Variants in TMEM255B observed in about 807,000 individuals in gnomAD.
TMEM255B encodes the protein transmembrane protein 255B, also known as family with sequence similarity 70, member B.
TMEM255B carries 35 observed loss-of-function variants against 34.5 expected under a neutral mutation model. That is an observed-to-expected ratio of 1.01 (90% CI 0.77 to 1.34). The LOEUF is 1.34. TMEM255B is among the 40% of genes most tolerant of loss of function. TMEM255B has a pLI of 0.00. For missense variants in TMEM255B, 432 were observed against 433.2 expected (o/e 1.00, Z 0.02); for synonymous variants, 206 against 201.2 (o/e 1.02, Z -0.20).
At chr13:113,800,622 G>A (rs1443390182) in intron 5 of TMEM255B, among the ~76,000 whole-genome samples, 1 of 152,118 alleles carries the variant, frequency 6.6e-6, no homozygotes, top group African/African-American at 2.4e-5. Flanking sequence ...GGACCAGCCT[G>A]TGCCCCTGAC....
At chr13:113,793,449 A>T (rs529700496) in intron 3 of TMEM255B, among the ~76,000 whole-genome samples, 22 of 149,612 alleles carry the variant, frequency 1.5e-4, no homozygotes, top group African/African-American at 4.7e-4. Flanking sequence ...TCACGCAGGG[A>T]CCGTGCCGGT....
At chr13:113,805,147 G>A in intron 8 of TMEM255B, 119 bp downstream of exon 8, 1 of 1,233,810 alleles carries the variant, frequency 8.1e-7, no homozygotes, top group Non-Finnish European at 1.1e-6. Context: ...CTGGATTAGG[G>A]ATGGGAGGTG....
At position 113,769,772 on chromosome 13, in the gene TMEM255B, T is replaced by C. The variant is rs1340317885; in HGVS notation, c.252+612T>C. The C allele has an allele frequency of 6.6e-6, 1 of 152,272 alleles. No homozygotes were observed. Among genetic ancestry groups the C allele is most frequent in the African/African-American group, 2.4e-5 (1 of 41,388 alleles). The allele number at this position is 152,272 out of a possible 1,614,324, so 9.4% of individuals were successfully genotyped here. A position where few individuals can be genotyped will look rare whatever the true frequency, so the allele number is the denominator to read the frequency against. On this transcript the variant is annotated intron_variant, in intron 3 of 8. Transcript: ENST00000375353. The surrounding 1 kb of genome is among the most constrained non-coding windows in gnomAD (Gnocchi z 4.2). The stretch of plus-strand genomic sequence containing the variant: ...TGCACTGTTTTGGGGACTATAACTT[T>C]AAAAACAAAAACTGGCTAATTTTGT...
At position 113,790,893 on chromosome 13, in the gene TMEM255B, C is replaced by T. The variant is rs375086400; in HGVS notation, c.253-4255C>T. Among the ~76,000 whole-genome samples the T allele has an allele frequency of 2.2e-4, 34 of 152,362 alleles. No individual in the cohort carries two copies. In the South Asian group the frequency reaches 6.8e-3, roughly 31 times the overall value. On this transcript the variant is annotated intron_variant, in intron 3 of 8. Transcript: ENST00000375353. ...ACTGAACTTGCTGCGCGTGGCCACACTCTCGCTGAATTTTACCTTTCACAC... is the reference window on the plus strand; with the variant it reads ...ACTGAACTTGCTGCGCGTGGCCACATTCTCGCTGAATTTTACCTTTCACAC...
Position 113,806,561 on chromosome 13 carries a change from C to T in TMEM255B, c.813+1533C>T, listed in dbSNP as rs761488458. Among the ~76,000 whole-genome samples the T allele has an allele frequency of 9.0e-4, 137 of 152,302 alleles. No individual in the cohort carries two copies. The highest frequency in any genetic ancestry group is 1.9e-3 in the Non-Finnish European group (128 of 68,016). The stretch of plus-strand genomic sequence containing the variant: ...GGAAACATCTTTTCCATTTCTGTGA[C>T]GGGGGAAGATGTGGTCCCCAGGGTC... On this transcript the variant is annotated intron_variant, in intron 8 of 8. Transcript: ENST00000375353. The surrounding 1 kb of genome is among the most constrained non-coding windows in gnomAD (Gnocchi z 4.2).
In TMEM255B at chr13:113,766,191, C is replaced by G. The variant is rs145271168; in HGVS notation, c.123C>G (p.Thr41=). ...SLLLVSVLIV[T]VGLAATTRTE... is the part of the protein sequence containing the mutation. The stretch of plus-strand genomic sequence containing the variant: ...TGCTGGTGTCCGTCCTCATAGTCAC[C>G]GTCGGGCTGGCTGCCACCACCAGGA... The change falls in exon 2 of 9, where the codon ACC becomes ACG. Residue 41 remains threonine, a synonymous_variant. Transcript: ENST00000375353. The G allele has an allele frequency of 1.2e-6, 2 of 1,614,206 alleles. No individual in the cohort carries two copies. The highest frequency in any genetic ancestry group is 1.7e-6 in the Non-Finnish European group (2 of 1,180,026).
At chr13:113,794,729 C>T (rs2050889790) in intron 3 of TMEM255B, among the ~76,000 whole-genome samples, 1 of 152,198 alleles carries the variant, frequency 6.6e-6, no homozygotes, top group South Asian at 2.1e-4. Flanking sequence ...GCTCCAAGCT[C>T]CAAGACCATT....
intron 1 of TMEM255B, among the ~76,000 whole-genome samples, chr13:113,763,055 TG>T (rs1283230900): frequency 3.3e-5 from 5 of 152,198 alleles, no homozygotes; most frequent in Non-Finnish European, 4.4e-5. Context: ...CAGGAAAGGC[TG>T]AAGCGGGAAT....
Position 113,811,861 on chromosome 13 carries a change from C to G in TMEM255B, c.939C>G (p.Thr313=), listed in dbSNP as rs1456496824. ...PGQAPPCYAP[T]YFPPGEKPPP... is the part of the protein sequence containing the mutation. ...AGGCTCCACCGTGCTACGCACCCAC[C>G]TACTTTCCCCCGGGGGAGAAGCCAC... is the stretch of plus-strand genomic sequence containing the variant. Residue 313 remains threonine, a synonymous_variant, in exon 9 of 9, where the codon ACC becomes ACG. Transcript: ENST00000375353. 1.2e-6 allele frequency: 2 copies of G among 1,613,628 alleles called. No homozygotes were observed. The highest frequency in any genetic ancestry group is 1.7e-6 in the Non-Finnish European group (2 of 1,179,756).
At chr13:113,803,654 A>G (rs1221202446) in intron 7 of TMEM255B, among the ~76,000 whole-genome samples, 2 of 117,124 alleles carry the variant, frequency 1.7e-5, no homozygotes, top group South Asian at 4.6e-4. Flanking sequence ...CCCCTCCCTC[A>G]CGGAGCACGA....
At chr13:113,789,797 CAT>C (rs2050797581) in intron 3 of TMEM255B, among the ~76,000 whole-genome samples, 1 of 152,044 alleles carries the variant, frequency 6.6e-6, no homozygotes, top group Non-Finnish European at 1.5e-5. Flanking sequence ...TGACCGTGTA[CAT>C]AGACATCCTA....
rs2050458316 is a variant in TMEM255B, at chr13:113,770,380, A to G, written c.252+1220A>G. Among the ~76,000 whole-genome samples, 1 of 152,144 alleles carries G rather than the reference A, an allele frequency of 6.6e-6. No individual in the cohort carries two copies. Among genetic ancestry groups the G allele is most frequent in the South Asian group, 2.1e-4 (1 of 4,818 alleles). ...CTCCCACAACACATGAGGATCCAAG[A>G]TGAGATTTGGGTGAGGACACAGCCA... On this transcript the variant is annotated intron_variant, in intron 3 of 8. Transcript: ENST00000375353. The surrounding 1 kb of genome is among the most constrained non-coding windows in gnomAD (Gnocchi z 4.6).
chr13:113,774,238 G>T (rs546351755), intron 3 of TMEM255B, among the ~76,000 whole-genome samples: 1 of 152,216 alleles, frequency 6.6e-6, no homozygotes, highest in South Asian at 2.1e-4. Context: ...ATTAGGAATG[G>T]CTTCGCCATT....
At chr13:113,789,564 G>A (rs897346862) in intron 3 of TMEM255B, among the ~76,000 whole-genome samples, 5 of 152,184 alleles carry the variant, frequency 3.3e-5, no homozygotes, top group East Asian at 1.9e-4. Context: ...AATGACTTTC[G>A]GACTTAGCCA....
chr13:113,783,291 C>T (rs778264586), intron 3 of TMEM255B, among the ~76,000 whole-genome samples: 5 of 152,126 alleles, frequency 3.3e-5, no homozygotes, highest in South Asian at 2.1e-4. Context: ...GTTTCTTTGC[C>T]TGAAGCCAGT....
chr13:113,778,153 G>A (rs1049606495), intron 3 of TMEM255B, among the ~76,000 whole-genome samples: 3 of 152,242 alleles, frequency 2.0e-5, no homozygotes, highest in Admixed American at 6.5e-5. Context: ...CAGGACAGGC[G>A]TGTTCCTGTC....
rs3934940 is a variant in TMEM255B, at chr13:113,801,030, A to C, written c.509+118A>C. The C allele has an allele frequency of 9.7e-3, 3,295 of 340,922 alleles. 110 individuals are homozygous for C. The highest frequency in any genetic ancestry group is 0.066 in the African/African-American group (2,747 of 41,660). The allele number at this position is 340,922 out of a possible 1,614,324, so 21.1% of individuals were successfully genotyped here. On this transcript the variant is annotated intron_variant, in intron 6 of 8. Transcript: ENST00000375353. ...CTGGGGACCCCTATATCTACACCTG[A>C]GGGAGGTGAGGGGCGCTGGGAACCC...
At chr13:113,792,874 A>T (rs1419773319) in intron 3 of TMEM255B, among the ~76,000 whole-genome samples, 2 of 152,278 alleles carry the variant, frequency 1.3e-5, no homozygotes, top group Non-Finnish European at 2.9e-5. Flanking sequence ...ATAAAATGCC[A>T]GAAACGTGAG....
chr13:113,800,761 G>A, intron 5 of TMEM255B, 66 bp from the exon 6 acceptor site: 2 of 1,485,768 alleles, frequency 1.3e-6, no homozygotes, highest in Non-Finnish European at 1.8e-6. Context: ...AGGCAGCCCT[G>A]CCCTTGGTGG....
Sources: allele counts gnomAD v4.1 joint callset (sites outside exome capture counted in the v4.1 genomes callset), GRCh38; gene constraint gnomAD v4.1.1; non-coding constraint Gnocchi (gnomAD v3.1); transcripts MANE v1.5; gene names NCBI Gene and HGNC (gene_info 2026-07-23, HGNC 2026-07-21).